The following GANC variants were observed in gnomAD, a reference collection of about 807,000 sequenced individuals.
The protein encoded by GANC is glucosidase alpha, neutral C.
In GANC, 117 loss-of-function variants were observed where a neutral mutation model predicts 124.2. That is an observed-to-expected ratio of 0.94 (90% CI 0.81 to 1.10). GANC has a LOEUF of 1.10. Ranked by LOEUF, GANC falls within the 50% of genes least tolerant of loss-of-function variation. GANC has a pLI of 0.00. For missense variants in GANC, 1,140 were observed against 1,095.0 expected (o/e 1.04, Z -0.58); for synonymous variants, 377 against 376.8 (o/e 1.00, Z -0.01).
intron 10 of GANC, among the ~76,000 whole-genome samples, chr15:42,315,192 AAAAT>A (rs1238843629): frequency 6.6e-6 from 1 of 152,212 alleles, no homozygotes; most frequent in African/African-American, 2.4e-5. Context: ...GAAATGGAAA[AAAAT>A]AAATATTTGC....
At chr15:42,318,831 C>T (rs1345444826) in intron 10 of GANC, among the ~76,000 whole-genome samples, 2 of 152,142 alleles carry the variant, frequency 1.3e-5, no homozygotes, top group South Asian at 2.1e-4. Flanking sequence ...TCAAGGGATC[C>T]TCCCACCTCA....
intron 6 of GANC, among the ~76,000 whole-genome samples, chr15:42,298,742 G>A (rs1455070820): frequency 2.0e-5 from 3 of 152,112 alleles, no homozygotes; most frequent in African/African-American, 4.8e-5. Flanking sequence ...TCCTTGAGCC[G>A]TGGTTTGTAG....
chr15:42,342,527 A>T (rs12915701), intron 18 of GANC, among the ~76,000 whole-genome samples: 14 of 152,198 alleles, frequency 9.2e-5, no homozygotes, highest in African/African-American at 3.1e-4. Flanking sequence ...GGTTGCAGTA[A>T]GCTGTGATTG....
intron 4 of GANC, among the ~76,000 whole-genome samples, chr15:42,292,377 G>GTTTTTTTTTTTTAAATTTACTGTGTGT (rs61513725): frequency 6.7e-6 from 1 of 148,298 alleles, no homozygotes; most frequent in Non-Finnish European, 1.5e-5. Context: ...TTTACTGTGT[G>GTTTTTTTTTTTTAAATTTACTGTGTGT]TTTTTTTTTT....
chr15:42,353,236 C>A lies in GANC; in HGVS notation c.*1097C>A, dbSNP rs2052473973. Reference sequence around the variant, plus strand: ...TTTTAGCAGCCTCGACTCCTCAGCACTCCTCAGCACACACCTCTTCTTATC... The same window carrying A: ...TTTTAGCAGCCTCGACTCCTCAGCAATCCTCAGCACACACCTCTTCTTATC... On this transcript the variant is annotated 3_prime_UTR_variant, in exon 24 of 24. Coordinates refer to ENST00000318010, the MANE Select transcript of GANC (RefSeq NM_198141.3). The A allele has an allele frequency of 1.0e-6, 1 of 985,868 alleles. No homozygotes were observed. Among genetic ancestry groups the A allele is most frequent in the African/African-American group, 1.7e-5 (1 of 57,204 alleles). 61.1% of individuals were successfully genotyped at this position (985,868 alleles called of 1,614,324 possible). A position where few individuals can be genotyped will look rare whatever the true frequency, so the allele number is the denominator to read the frequency against.
At chr15:42,290,105 G>T (rs1179610932) in intron 4 of GANC, among the ~76,000 whole-genome samples, 1 of 152,188 alleles carries the variant, frequency 6.6e-6, no homozygotes, top group Non-Finnish European at 1.5e-5. Flanking sequence ...TGGCAGCCCT[G>T]CCAAACTAAT....
Position 42,308,250 on chromosome 15 carries a change from C to G in GANC, c.654C>G (p.Ser218=), listed in dbSNP as rs757769027. Residue 218 remains serine (S), a synonymous_variant, in exon 8 of 24, where the codon TCC becomes TCG. Coordinates refer to ENST00000318010, the MANE Select transcript of GANC (RefSeq NM_198141.3). The stretch of plus-strand genomic sequence containing the variant: ...CTTCTTCTATTGGTTTGGATTTCTC[C>G]TTGCATGGATTTGAGCATCTTTATG... ...NGPSSIGLDF[S]LHGFEHLYGI... The G allele has an allele frequency of 6.2e-7, 1 of 1,608,974 alleles. No individual in the cohort carries two copies. Among genetic ancestry groups the G allele is most frequent in the South Asian group, 1.1e-5 (1 of 90,562 alleles).
At chr15:42,326,446 T>G in intron 12 of GANC, 22 bp downstream of exon 12, 1 of 1,613,470 alleles carries the variant, frequency 6.2e-7, no homozygotes, top group African/African-American at 1.3e-5. Flanking sequence ...CTTTATACAC[T>G]TATTATTTCC....
rs140400607 is a variant in GANC at position 42,273,285 on chromosome 15, G to C, written c.-1197G>C. 5 of 1,614,024 alleles carry C rather than the reference G, an allele frequency of 3.1e-6. No homozygotes were observed. In the Admixed American group the frequency reaches 6.7e-5, roughly 22 times the overall value. Reference sequence around the variant, plus strand: ...GTATCGGAATGTGCCATTTGGACCGGTCGGCAGCAGCTACGGTTGCCGGTC... The same window carrying C: ...GTATCGGAATGTGCCATTTGGACCGCTCGGCAGCAGCTACGGTTGCCGGTC... On this transcript the variant is annotated 5_prime_UTR_variant, in exon 1 of 24. Transcript: ENST00000318010.
At chr15:42,334,165 CT>C (rs34880460) in intron 15 of GANC, among the ~76,000 whole-genome samples, 130,866 of 140,440 alleles carry the variant, frequency 0.93, 61,324 homozygotes, top group Non-Finnish European at 0.99. Context: ...AGAATAAAAT[CT>C]TTTTTTTTTT....
At chr15:42,327,279 C>G (rs2052205574) in intron 12 of GANC, 84 bp from the exon 13 acceptor site, 4 of 1,032,590 alleles carry the variant, frequency 3.9e-6, no homozygotes, top group African/African-American at 1.6e-5. Flanking sequence ...TTTCCCAGCT[C>G]TCACATCTGA....
intron 5 of GANC, among the ~76,000 whole-genome samples, chr15:42,297,268 G>C (rs565560263): frequency 6.6e-6 from 1 of 152,094 alleles, no homozygotes; most frequent in Admixed American, 6.5e-5. Flanking sequence ...TCTACATTAA[G>C]AAATGAAGCT....
chr15:42,275,152 G>C (rs2051652163), intron 1 of GANC, among the ~76,000 whole-genome samples: 1 of 152,152 alleles, frequency 6.6e-6, no homozygotes, highest in African/African-American at 2.4e-5. Context: ...TAGGTGGGCA[G>C]ATTGCTTGAA....
chr15:42,334,331 T>C (rs2052268147), intron 15 of GANC, among the ~76,000 whole-genome samples: 1 of 152,188 alleles, frequency 6.6e-6, no homozygotes, highest in South Asian at 2.1e-4. Flanking sequence ...CTGGCTAACT[T>C]TTACATTTTT....
At chr15:42,300,935 A>G (rs935743614) in intron 6 of GANC, among the ~76,000 whole-genome samples, 2 of 151,714 alleles carry the variant, frequency 1.3e-5, no homozygotes, top group African/African-American at 2.4e-5. Context: ...GGAGAATCAC[A>G]TGAACCTGGG....
At chr15:42,304,998 T>G (rs2051979536) in intron 6 of GANC, among the ~76,000 whole-genome samples, 1 of 151,944 alleles carries the variant, frequency 6.6e-6, no homozygotes, top group East Asian at 1.9e-4. Flanking sequence ...ATCTAAAACC[T>G]TAAAAACCCT....
chr15:42,324,263 TA>T (rs144756412), intron 11 of GANC, among the ~76,000 whole-genome samples: 10 of 147,336 alleles, frequency 6.8e-5, no homozygotes, highest in African/African-American at 2.5e-4. Context: ...GACTACTATT[TA>T]AAAAAAAAAC....
intron 20 of GANC, among the ~76,000 whole-genome samples, chr15:42,347,868 A>G (rs1393154410): frequency 4.6e-5 from 7 of 152,210 alleles, no homozygotes; most frequent in African/African-American, 1.2e-4. Flanking sequence ...TAACAAACCA[A>G]TGAAGGGTGG....
Position 42,352,361 on chromosome 15 carries a change from C to T in GANC, c.*222C>T. Reference sequence around the variant, plus strand: ...CAATATTCCTTGTATCAAACATCTCCTTTTCTCCCTGATACATAGCCCTGA... The same window carrying T: ...CAATATTCCTTGTATCAAACATCTCTTTTTCTCCCTGATACATAGCCCTGA... On this transcript the variant is annotated 3_prime_UTR_variant, in exon 24 of 24. Transcript: ENST00000318010. 1.5e-6 allele frequency: 2 copies of T among 1,333,852 alleles called. No individual in the cohort carries two copies. The highest frequency in any genetic ancestry group is 3.3e-5 in the South Asian group (2 of 61,504). 82.6% of individuals were successfully genotyped at this position (1,333,852 alleles called of 1,614,324 possible). A position where few individuals can be genotyped will look rare whatever the true frequency, so the allele number is the denominator to read the frequency against.
Sources: allele counts gnomAD v4.1 joint callset (sites outside exome capture counted in the v4.1 genomes callset), GRCh38; gene constraint gnomAD v4.1.1; transcripts MANE v1.5; gene names NCBI Gene and HGNC (gene_info 2026-07-23, HGNC 2026-07-21).